Variants in KIAA1217 observed in about 807,000 individuals in gnomAD.
KIAA1217 encodes KIAA1217, also known as sickle tail protein homolog.
KIAA1217 carries 88 observed loss-of-function variants against 163.9 expected under a neutral mutation model. The ratio of observed to expected loss-of-function variants is 0.54; its 90% CI spans 0.45 to 0.64. The LOEUF is 0.64. KIAA1217 is among the 30% of genes least tolerant of loss of function. KIAA1217 has a pLI of 0.00. For missense variants in KIAA1217, 2,372 were observed against 2,475.0 expected (o/e 0.96, Z 0.88); for synonymous variants, 903 against 923.1 (o/e 0.98, Z 0.39).
At chr10:24,502,240 C>CTTTTTTTT (rs772404852) in intron 9 of KIAA1217, among the ~76,000 whole-genome samples, 12 of 80,622 alleles carry the variant, frequency 1.5e-4, no homozygotes, top group Non-Finnish European at 2.7e-4. Flanking sequence ...GTCAGCCAAG[C>CTTTTTTTT]TTTTTTTTTT....
rs1321270420 is a variant in KIAA1217 at position 23,817,986 on chromosome 10, T to TACACACAC, written c.-321+122753_-321+122754insCACACACA. On this transcript the variant is annotated intron_variant, in intron 1 of 18. Coordinates refer to the KIAA1217 transcript ENST00000376462. ...ACATATATATATATATATATATATA[T>TACACACAC]ATATATATATATATATATATATACA... 2.0e-4 allele frequency among the ~76,000 whole-genome samples: 25 copies of TACACACAC among 123,772 alleles called. 1 individual carries two copies. Among genetic ancestry groups the TACACACAC allele is most frequent in the African/African-American group, 8.1e-4 (24 of 29,608 alleles). The allele number at this position is 123,772 out of a possible 152,430, so 81.2% of individuals were successfully genotyped here.
intron 1 of KIAA1217, among the ~76,000 whole-genome samples, chr10:23,711,551 T>G (rs1837257546): frequency 6.6e-6 from 1 of 152,188 alleles, no homozygotes; most frequent in Admixed American, 6.5e-5. Context: ...TAAATTTGTG[T>G]TCTTTTGAGC....
At chr10:24,446,915 T>C (rs560176714) in intron 5 of KIAA1217, among the ~76,000 whole-genome samples, 2 of 152,302 alleles carry the variant, frequency 1.3e-5, no homozygotes, top group East Asian at 3.9e-4. Flanking sequence ...CTGGCCTTTG[T>C]AATCATGCCT....
At chr10:24,132,555 TG>T (rs1308410455) in intron 2 of KIAA1217, among the ~76,000 whole-genome samples, 4 of 152,240 alleles carry the variant, frequency 2.6e-5, no homozygotes, top group African/African-American at 9.6e-5. Flanking sequence ...GCAGTTTCTC[TG>T]TAAACTGTTT....
intron 2 of KIAA1217, among the ~76,000 whole-genome samples, chr10:24,119,714 C>T (rs2063202661): frequency 6.6e-6 from 1 of 152,170 alleles, no homozygotes; most frequent in Admixed American, 6.5e-5. Flanking sequence ...TCCCTCTACC[C>T]TCTCGTCCTT....
Position 24,362,021 on chromosome 10 carries a change from A to G in KIAA1217, c.355-18848A>G, listed in dbSNP as rs541893637. Among the ~76,000 whole-genome samples, 6 of 151,982 alleles carry G rather than the reference A, an allele frequency of 3.9e-5. No homozygotes were observed. In the East Asian group the frequency reaches 1.2e-3, roughly 29 times the overall value. ...AAAAAAAAAGAAAGAAAGAAAAAGA[A>G]ATAGAATGGCTGTATCAAAAAGATA... On this transcript the variant is annotated intron_variant, in intron 2 of 20. Coordinates refer to ENST00000376454, the MANE Select transcript of KIAA1217 (RefSeq NM_019590.5).
At chr10:24,503,612 G>C (rs2067959116) in intron 9 of KIAA1217, among the ~76,000 whole-genome samples, 1 of 152,170 alleles carries the variant, frequency 6.6e-6, no homozygotes, top group Admixed American at 6.5e-5. Flanking sequence ...AGTGTTTCTA[G>C]ATGTTTCAAT....
At chr10:24,023,439 T>C (rs1280300377) in intron 2 of KIAA1217, among the ~76,000 whole-genome samples, 1 of 151,640 alleles carries the variant, frequency 6.6e-6, no homozygotes, top group Non-Finnish European at 1.5e-5. Context: ...ACAGGTCCTC[T>C]TGTAAGTGGG....
chr10:23,710,006 GA>G (rs1250921771), intron 1 of KIAA1217, among the ~76,000 whole-genome samples: 1 of 152,234 alleles, frequency 6.6e-6, no homozygotes, highest in African/African-American at 2.4e-5. Flanking sequence ...TGAGCAAATT[GA>G]AGGTAGGAAC....
chr10:24,532,223 C>G (rs2073228857), intron 15 of KIAA1217, among the ~76,000 whole-genome samples: 1 of 152,090 alleles, frequency 6.6e-6, no homozygotes, highest in African/African-American at 2.4e-5. Flanking sequence ...ATATGAAATG[C>G]AAATCACAAG....
intron 3 of KIAA1217, among the ~76,000 whole-genome samples, chr10:24,383,901 T>C (rs187654655): frequency 6.6e-6 from 1 of 152,274 alleles, no homozygotes; most frequent in East Asian, 1.9e-4. Flanking sequence ...TCACAGCAAG[T>C]GCAAATGCAG....
intron 2 of KIAA1217, chr10:24,158,056 A>G (rs1415879444): frequency 1.6e-5 from 12 of 753,644 alleles, no homozygotes; most frequent in Non-Finnish European, 2.7e-5. Context: ...CACCACCACA[A>G]CCAGTTTTAC....
At chr10:23,781,265 G>C (rs1313758589) in intron 1 of KIAA1217, among the ~76,000 whole-genome samples, 3 of 152,090 alleles carry the variant, frequency 2.0e-5, no homozygotes, top group Non-Finnish European at 2.9e-5. Flanking sequence ...CCACACCCTT[G>C]CCAACATTTG....
intron 2 of KIAA1217, among the ~76,000 whole-genome samples, chr10:24,062,236 C>T (rs544230452): frequency 2.0e-5 from 3 of 150,568 alleles, no homozygotes; most frequent in African/African-American, 7.3e-5. Flanking sequence ...GTGCTGCACC[C>T]ATTAACTCGT....
intron 2 of KIAA1217, among the ~76,000 whole-genome samples, chr10:24,071,177 G>A (rs1013056435): frequency 1.1e-4 from 17 of 152,050 alleles, no homozygotes; most frequent in Admixed American, 2.0e-4. Flanking sequence ...CAGCTAAACA[G>A]CTAGAAATTC....
rs1485731556 is a variant in KIAA1217, at chr10:24,473,865, C to T, written c.1484C>T (p.Pro495Leu). Reference protein sequence around the residue: ...DMHAHYNAHGPPHTMQPDRAS... With the variant: ...DMHAHYNAHGLPHTMQPDRAS... ...CACGCTCACTATAATGCCCACGGCCCCCCTCACACCATGCAGCCAGACCGG... is the reference window on the plus strand; with the variant it reads ...CACGCTCACTATAATGCCCACGGCCTCCCTCACACCATGCAGCCAGACCGG... Residue 495 changes from proline to leucine, a missense_variant, in exon 6 of 21, where the codon CCC (proline) becomes CTC (leucine). By Grantham distance (98) the Pro-to-Leu change is moderately conservative (BLOSUM62 -3). This residue lies in a region of KIAA1217 where 1,431 missense variants were observed against 1,470.3 expected (regional missense o/e 0.97). Coordinates refer to ENST00000376454, the MANE Select transcript of KIAA1217 (RefSeq NM_019590.5). 6.2e-7 allele frequency: 1 copy of T among 1,614,024 alleles called. No homozygotes were observed. Among genetic ancestry groups the T allele is most frequent in the Non-Finnish European group, 8.5e-7 (1 of 1,180,030 alleles).
At chr10:24,472,791 CATCAAT>C (rs1449648651) in intron 5 of KIAA1217, among the ~76,000 whole-genome samples, 2 of 152,150 alleles carry the variant, frequency 1.3e-5, no homozygotes, top group African/African-American at 4.8e-5. Flanking sequence ...GGATTTTGCA[CATCAAT>C]ATCAATGTGT....
chr10:23,734,848 C>G (rs950016955), intron 1 of KIAA1217, among the ~76,000 whole-genome samples: 1 of 151,730 alleles, frequency 6.6e-6, no homozygotes, highest in Non-Finnish European at 1.5e-5. Flanking sequence ...ATATCAGGCT[C>G]GTTATATAGG....
Position 24,359,998 on chromosome 10 carries a change from C to A in KIAA1217, c.355-20871C>A, listed in dbSNP as rs528868385. On this transcript the variant is annotated intron_variant, in intron 2 of 20. Transcript: ENST00000376454. Reference sequence around the variant, plus strand: ...CCAAATAATCAGAAATTACTTTGCTCCCCCAGTTACTGACAGACTGTGTAT... The same window carrying A: ...CCAAATAATCAGAAATTACTTTGCTACCCCAGTTACTGACAGACTGTGTAT... Among the ~76,000 whole-genome samples the A allele has an allele frequency of 3.3e-4, 50 of 150,900 alleles. No individual in the cohort carries two copies. In the South Asian group the frequency reaches 0.011, roughly 32 times the overall value.
Sources: allele counts gnomAD v4.1 joint callset (sites outside exome capture counted in the v4.1 genomes callset), GRCh38; gene constraint gnomAD v4.1.1; regional missense constraint gnomAD v4.1.1; transcripts MANE v1.5; gene names NCBI Gene and HGNC (gene_info 2026-07-23, HGNC 2026-07-21).